ATP2B1: variants seen among roughly 807,000 people sequenced by gnomAD.
ATP2B1 encodes plasma membrane calcium-transporting ATPase 1.
In ATP2B1, 14 loss-of-function variants were observed where a neutral mutation model predicts 124.2. That is an observed-to-expected ratio of 0.11 (90% CI 0.07 to 0.18). ATP2B1 has a LOEUF of 0.18. Ranked by LOEUF, ATP2B1 falls within the 10% of genes least tolerant of loss-of-function variation. The pLI is 1.00. For missense variants in ATP2B1, 763 were observed against 1,466.1 expected, an observed-to-expected ratio of 0.52 and a Z score of 7.83; for synonymous variants, 449 against 492.4, an observed-to-expected ratio of 0.91 and a Z score of 1.17.
intron 3 of ATP2B1, among the ~76,000 whole-genome samples, chr12:89,636,910 T>C (rs149678806): frequency 6.6e-6 from 1 of 152,334 alleles, no homozygotes; most frequent in African/African-American, 2.4e-5. Flanking sequence ...AAAGTGATTT[T>C]ATGATTTACA....
At chr12:89,671,383 G>A (rs962523719) in intron 1 of ATP2B1, among the ~76,000 whole-genome samples, 16 of 152,240 alleles carry the variant, frequency 1.1e-4, no homozygotes, top group Non-Finnish European at 2.1e-4. Flanking sequence ...AGTTTTCTAC[G>A]TTCACAATGA....
At chr12:89,666,000 T>C (rs960673676) in intron 1 of ATP2B1, among the ~76,000 whole-genome samples, 1 of 152,226 alleles carries the variant, frequency 6.6e-6, no homozygotes. Flanking sequence ...ACCAACTGAA[T>C]AGAGAACTAA....
intron 1 of ATP2B1, among the ~76,000 whole-genome samples, chr12:89,701,854 G>A (rs2136870008): frequency 6.6e-6 from 1 of 151,928 alleles, no homozygotes; most frequent in Non-Finnish European, 1.5e-5. Flanking sequence ...GGCCCCTAAG[G>A]GTCCTATCAG....
intron 1 of ATP2B1, among the ~76,000 whole-genome samples, chr12:89,693,087 T>C (rs1004809900): frequency 3.3e-5 from 5 of 152,204 alleles, no homozygotes; most frequent in Non-Finnish European, 7.3e-5. Context: ...ATTTTCTAAC[T>C]GTTATTTCAG....
intron 3 of ATP2B1, among the ~76,000 whole-genome samples, chr12:89,636,450 G>A (rs1205986650): frequency 6.6e-6 from 1 of 152,210 alleles, no homozygotes; most frequent in Non-Finnish European, 1.5e-5. Flanking sequence ...AAATTCGCAT[G>A]AAGGAATACA....
chr12:89,707,081 A>AGGG (rs905848784), intron 1 of ATP2B1, among the ~76,000 whole-genome samples: 3 of 152,140 alleles, frequency 2.0e-5, no homozygotes, highest in African/African-American at 7.2e-5. Flanking sequence ...AGAAAAAGAG[A>AGGG]GGGGAGGAGG....
intron 1 of ATP2B1, among the ~76,000 whole-genome samples, chr12:89,678,714 G>A (rs919760096): frequency 2.6e-5 from 4 of 152,102 alleles, no homozygotes; most frequent in African/African-American, 9.7e-5. Context: ...CTGCCAGAAA[G>A]GCTCAATTTC....
At chr12:89,703,641 T>A (rs566265657) in intron 1 of ATP2B1, among the ~76,000 whole-genome samples, 1 of 152,226 alleles carries the variant, frequency 6.6e-6, no homozygotes, top group African/African-American at 2.4e-5. Context: ...CATTAAGACA[T>A]GAAAATAAAA....
chr12:89,654,479 G>A (rs977199700), intron 2 of ATP2B1, among the ~76,000 whole-genome samples: 1 of 152,164 alleles, frequency 6.6e-6, no homozygotes, highest in Non-Finnish European at 1.5e-5. Flanking sequence ...GAGTTAACAG[G>A]TCTTGCAGGC....
chr12:89,673,240 G>C (rs1007970445), intron 1 of ATP2B1, among the ~76,000 whole-genome samples: 1 of 152,176 alleles, frequency 6.6e-6, no homozygotes, highest in African/African-American at 2.4e-5. Context: ...GCATATTTGT[G>C]AACCTACAAG....
At chr12:89,631,891 A>G (rs1881926800) in intron 5 of ATP2B1, among the ~76,000 whole-genome samples, 1 of 150,966 alleles carries the variant, frequency 6.6e-6, no homozygotes, top group Admixed American at 6.6e-5. Context: ...CTTAGCCCCC[A>G]AAGTGCTGGA....
intron 2 of ATP2B1, among the ~76,000 whole-genome samples, chr12:89,647,671 T>C (rs1398013754): frequency 6.6e-6 from 1 of 152,220 alleles, no homozygotes; most frequent in Non-Finnish European, 1.5e-5. Context: ...TTATATTACA[T>C]GTACATGTAT....
At chr12:89,663,859 T>C (rs1250141584) in intron 1 of ATP2B1, among the ~76,000 whole-genome samples, 1 of 130,772 alleles carries the variant, frequency 7.6e-6, no homozygotes, top group Non-Finnish European at 1.6e-5. Flanking sequence ...CACTGTCATC[T>C]CTAGCTGCTT....
At chr12:89,675,723 T>C (rs1045057417) in intron 1 of ATP2B1, among the ~76,000 whole-genome samples, 8 of 152,128 alleles carry the variant, frequency 5.3e-5, no homozygotes, top group African/African-American at 1.9e-4. Context: ...CACCAAAATA[T>C]TTCACATGAC....
intron 1 of ATP2B1, among the ~76,000 whole-genome samples, chr12:89,656,328 TAAATA>T (rs1161719442): frequency 6.6e-6 from 1 of 152,234 alleles, no homozygotes; most frequent in African/African-American, 2.4e-5. Context: ...ATTACATTAT[TAAATA>T]AAACTGCACT....
intron 13 of ATP2B1, 59 bp from the exon 14 acceptor site, chr12:89,610,567 G>T: frequency 7.4e-7 from 1 of 1,351,688 alleles, no homozygotes; most frequent in Non-Finnish European, 1.1e-6. Context: ...ATCCTAATGA[G>T]CTATCTGGCA....
At chr12:89,694,067 G>A (rs1411202888) in intron 1 of ATP2B1, among the ~76,000 whole-genome samples, 2 of 152,080 alleles carry the variant, frequency 1.3e-5, no homozygotes, top group African/African-American at 2.4e-5. Flanking sequence ...CTCAAAATTA[G>A]AGGAATGTCA....
At chr12:89,666,471 TA>T (rs1433568250) in intron 1 of ATP2B1, among the ~76,000 whole-genome samples, 1 of 152,232 alleles carries the variant, frequency 6.6e-6, no homozygotes, top group African/African-American at 2.4e-5. Context: ...TCTTCACTTC[TA>T]CTGAGTCTTG....
intron 18 of ATP2B1, 112 bp from the exon 19 acceptor site, chr12:89,601,545 G>C: frequency 1.7e-6 from 1 of 594,502 alleles, no homozygotes; most frequent in African/African-American, 1.9e-5. Flanking sequence ...CCACTATTCT[G>C]ATGAATTGTA....
Sources: allele counts gnomAD v4.1 joint callset (sites outside exome capture counted in the v4.1 genomes callset), GRCh38; gene constraint gnomAD v4.1.1; transcripts MANE v1.5; gene names NCBI Gene and HGNC (gene_info 2026-07-23, HGNC 2026-07-21).